PPP1R9A: variants seen among roughly 807,000 people sequenced by gnomAD.
PPP1R9A encodes protein phosphatase 1 regulatory subunit 9A, also known as neurabin-1.
Under a neutral mutation model 141.9 loss-of-function variants are expected in PPP1R9A, and 59 were observed. The ratio of observed to expected loss-of-function variants is 0.42; its 90% CI spans 0.34 to 0.52. PPP1R9A has a LOEUF of 0.52. Among genes scored for constraint, PPP1R9A ranks in the 20% least tolerant of loss-of-function variants. PPP1R9A has a pLI of 0.10. For missense variants in PPP1R9A, 1,444 were observed against 1,611.9 expected (o/e 0.90, Z 1.78); for synonymous variants, 500 against 569.7 (o/e 0.88, Z 1.74).
At chr7:94,930,173 G>A (rs190149384) in intron 2 of PPP1R9A, among the ~76,000 whole-genome samples, 29 of 152,296 alleles carry the variant, frequency 1.9e-4, no homozygotes, top group Admixed American at 1.2e-3. Context: ...GATACTGTGA[G>A]GAGAGGAAAC....
rs1289395988 is a variant in PPP1R9A at position 94,951,659 on chromosome 7, A to T, written c.1395+40151A>T. Among the ~76,000 whole-genome samples the T allele has an allele frequency of 2.0e-5, 3 of 151,980 alleles. No individual in the cohort carries two copies. In the East Asian group the frequency reaches 5.8e-4, roughly 29 times the overall value. ...TTTTGCGTCAATGGTTGTGAGTGAG[A>T]TAGACCCATAATTTTCCTTCCTCCT... On this transcript the variant is annotated intron_variant, in intron 2 of 19. Coordinates refer to ENST00000433360, the MANE Select transcript of PPP1R9A (RefSeq NM_001166160.2).
At chr7:95,283,903 T>C in intron 16 of PPP1R9A, 115 bp from the exon 17 acceptor site, 2 of 920,074 alleles carry the variant, frequency 2.2e-6, no homozygotes, top group Non-Finnish European at 3.2e-6. Flanking sequence ...TTTACTCTGT[T>C]GAATAGAACA....
intron 2 of PPP1R9A, among the ~76,000 whole-genome samples, chr7:95,085,849 C>A (rs776452346): frequency 2.0e-5 from 3 of 151,784 alleles, no homozygotes; most frequent in Non-Finnish European, 4.4e-5. Context: ...TGTTTGATTT[C>A]TTTTTGTTTT....
chr7:95,232,436 C>T (rs1796092386), intron 8 of PPP1R9A, among the ~76,000 whole-genome samples: 1 of 152,124 alleles, frequency 6.6e-6, no homozygotes, highest in Non-Finnish European at 1.5e-5. Flanking sequence ...AAAACCTAGG[C>T]AATACCATTC....
chr7:95,237,122 C>A (rs999018239), intron 8 of PPP1R9A, among the ~76,000 whole-genome samples: 5 of 149,498 alleles, frequency 3.3e-5, no homozygotes, highest in Non-Finnish European at 5.9e-5. Context: ...GCAAAAAGCA[C>A]CCTTGTTCCA....
chr7:95,214,797 G>A (rs573124681), intron 7 of PPP1R9A, among the ~76,000 whole-genome samples: 1 of 151,990 alleles, frequency 6.6e-6, no homozygotes, highest in East Asian at 1.9e-4. Flanking sequence ...TGATTTTTTT[G>A]GTCAAAATTT....
chr7:95,008,935 A>G (rs1457828514), intron 2 of PPP1R9A, among the ~76,000 whole-genome samples: 1 of 152,178 alleles, frequency 6.6e-6, no homozygotes, highest in Non-Finnish European at 1.5e-5. Flanking sequence ...GATTAAGAAA[A>G]TGTGGCACCT....
chr7:94,994,167 A>G (rs1801867903), intron 2 of PPP1R9A, among the ~76,000 whole-genome samples: 1 of 152,176 alleles, frequency 6.6e-6, no homozygotes, highest in South Asian at 2.1e-4. Flanking sequence ...GTCATGTAGA[A>G]GTATGATTGG....
intron 5 of PPP1R9A, among the ~76,000 whole-genome samples, chr7:95,163,998 A>G (rs1830813092): frequency 6.6e-6 from 1 of 152,184 alleles, no homozygotes; most frequent in South Asian, 2.1e-4. Flanking sequence ...TTAGCCTCCC[A>G]AAGTGCTAGG....
At chr7:94,941,003 G>A (rs1235541347) in intron 2 of PPP1R9A, among the ~76,000 whole-genome samples, 1 of 151,940 alleles carries the variant, frequency 6.6e-6, no homozygotes, top group East Asian at 1.9e-4. Context: ...GAAGATTTGG[G>A]GAATACATTA....
At chr7:95,288,503 CT>C (rs1242783245) in intron 18 of PPP1R9A, 32 bp from the exon 19 acceptor site, 1 of 1,604,360 alleles carries the variant, frequency 6.2e-7, no homozygotes, top group Non-Finnish European at 8.5e-7. Flanking sequence ...TATCTTGGTC[CT>C]TTAACAACAC....
intron 2 of PPP1R9A, among the ~76,000 whole-genome samples, chr7:95,015,062 A>T (rs1330178863): frequency 1.3e-5 from 2 of 152,038 alleles, no homozygotes; most frequent in Non-Finnish European, 2.9e-5. Flanking sequence ...CCTGTCTAGG[A>T]ATAATCCATT....
chr7:95,166,541 A>C (rs1007064101), intron 5 of PPP1R9A, among the ~76,000 whole-genome samples: 6 of 152,210 alleles, frequency 3.9e-5, no homozygotes, highest in African/African-American at 7.2e-5. Flanking sequence ...AACAAAGAAA[A>C]GTCCAGGACT....
Position 94,910,338 on chromosome 7 carries a change from G to C in PPP1R9A, c.225G>C (p.Met75Ile). 1 of 1,614,084 alleles carries C rather than the reference G, an allele frequency of 6.2e-7. No individual in the cohort carries two copies. The highest frequency in any genetic ancestry group is 8.5e-7 in the Non-Finnish European group (1 of 1,179,984). ...RIKNLFMQMG[M>I]EPNENAAVIA... ...AAAACCTATTTATGCAGATGGGTAT[G>C]GAACCCAACGAGAATGCTGCAGTCA... The change falls in exon 2 of 20, where the codon ATG (methionine) becomes ATC (isoleucine). Residue 75 changes from methionine to isoleucine, a missense_variant. Transcript: ENST00000433360. The surrounding 1 kb of genome is among the most constrained non-coding windows in gnomAD (Gnocchi z 4.5).
chr7:95,288,829 C>A, intron 19 of PPP1R9A, 111 bp downstream of exon 19: 1 of 1,279,064 alleles, frequency 7.8e-7, no homozygotes, highest in Non-Finnish European at 1.1e-6. Flanking sequence ...AGGTAATTCT[C>A]ATCAATATTC....
intron 2 of PPP1R9A, among the ~76,000 whole-genome samples, chr7:94,919,583 CA>C (rs761346175): frequency 1.2e-4 from 18 of 152,060 alleles, no homozygotes; most frequent in Admixed American, 5.2e-4. Context: ...CTTATATTGT[CA>C]CTTTCCTTAT....
At chr7:95,109,471 G>T (rs1483537266) in intron 2 of PPP1R9A, among the ~76,000 whole-genome samples, 1 of 152,148 alleles carries the variant, frequency 6.6e-6, no homozygotes, top group Non-Finnish European at 1.5e-5. Context: ...ATGTGAATAA[G>T]TGATTACTAA....
At chr7:95,111,846 A>C (rs942846103) in intron 3 of PPP1R9A, among the ~76,000 whole-genome samples, 23 of 152,108 alleles carry the variant, frequency 1.5e-4, no homozygotes, top group Non-Finnish European at 3.1e-4. Flanking sequence ...CTGAGGGGAG[A>C]AGGTTGAAAG....
intron 4 of PPP1R9A, among the ~76,000 whole-genome samples, chr7:95,153,088 G>A (rs1260554614): frequency 6.6e-6 from 1 of 152,050 alleles, no homozygotes; most frequent in Non-Finnish European, 1.5e-5. Flanking sequence ...GACCTCAAAT[G>A]ATTCACTCAC....
Sources: gnomAD v4.1 joint callset for allele counts (sites outside exome capture counted in the v4.1 genomes callset) on GRCh38, gnomAD v4.1.1 for gene constraint, Gnocchi (gnomAD v3.1) non-coding constraint, MANE v1.5 for transcripts, NCBI Gene and HGNC (gene_info 2026-07-23, HGNC 2026-07-21) for gene names.